RP2: variants seen among roughly 807,000 people sequenced by gnomAD.
RP2 encodes protein XRP2.
In RP2, 3 loss-of-function variants were observed where a neutral mutation model predicts 20.3. The observed-to-expected ratio is 0.15, with a 90% CI of 0.07 to 0.38. RP2 has a LOEUF of 0.38. RP2 is among the 10% of genes least tolerant of loss of function. The probability of loss-of-function intolerance (pLI) is 1.00; values close to 1 mark genes in which losing one functional copy is unlikely to be tolerated. For missense variants in RP2, 233 were observed against 268.5 expected, an observed-to-expected ratio of 0.87 and a Z score of 0.92; for synonymous variants, 75 against 94.8, an observed-to-expected ratio of 0.79 and a Z score of 1.22.
At chrX:46,837,309 C>A in intron 1 of RP2, 107 bp downstream of exon 1, 1 of 821,314 alleles carries the variant, frequency 1.2e-6, no homozygotes, top group Non-Finnish European at 1.8e-6. Context: ...GCCGCACTCT[C>A]TTGAACGCGG....
chrX:46,845,648 G>A (rs781805365), intron 1 of RP2, among the ~76,000 whole-genome samples: 1 of 111,720 alleles, frequency 9.0e-6, no homozygotes, highest in East Asian at 2.8e-4. Flanking sequence ...TATCCCTATA[G>A]TTTTGTCTTT....
At chrX:46,847,879 C>T (rs953337459) in intron 1 of RP2, among the ~76,000 whole-genome samples, 7 of 95,839 alleles carry the variant, frequency 7.3e-5, no homozygotes, top group Non-Finnish European at 1.0e-4. Flanking sequence ...TATATATACA[C>T]GCATATATAT....
chrX:46,849,842 A>G (rs1924829268), intron 1 of RP2, among the ~76,000 whole-genome samples: 1 of 111,509 alleles, frequency 9.0e-6, no homozygotes, highest in Admixed American at 9.6e-5. Context: ...CCCCCTACAC[A>G]TGGCTGTATT....
At position 46,854,834 on chromosome X, in the gene RP2, G is replaced by A. The variant is rs375218216; in HGVS notation, c.768+693G>A. Among the ~76,000 whole-genome samples the A allele has an allele frequency of 4.6e-3, 505 of 109,735 alleles. 2 individuals carry two copies. Among genetic ancestry groups the A allele is most frequent in the African/African-American group, 0.016 (484 of 30,142 alleles). On this transcript the variant is annotated intron_variant, in intron 2 of 4. Transcript: ENST00000218340. ...AGCCGGAGTGCAGTGGTGCGATCTC[G>A]GCTCACCGCAACTTCTGCCTCCTGG...
rs1556328575 is a variant in RP2 at position 46,880,651 on chromosome X, A to G, written c.*882A>G. On this transcript the variant is annotated 3_prime_UTR_variant, in exon 5 of 5. Coordinates refer to ENST00000218340, the MANE Select transcript of RP2 (RefSeq NM_006915.3). ...AAATAGGCATGATGATAAGCTATGC[A>G]GATTATTAAAAAGCTTGATACATTT... 2 of 112,288 alleles carry G rather than the reference A, an allele frequency of 1.8e-5. No homozygotes were observed. Among genetic ancestry groups the G allele is most frequent in the African/African-American group, 3.2e-5 (1 of 30,939 alleles). The allele number at this position is 112,288 out of a possible 1,213,427, so 9.3% of individuals were successfully genotyped here. A position where few individuals can be genotyped will look rare whatever the true frequency, so the allele number is the denominator to read the frequency against.
chrX:46,855,596 T>C (rs1393827666), intron 2 of RP2, among the ~76,000 whole-genome samples: 2 of 109,897 alleles, frequency 1.8e-5, no homozygotes. Context: ...GCCTCCCGAG[T>C]AGCTGGGATT....
chrX:46,847,745 T>G (rs1418308436), intron 1 of RP2, among the ~76,000 whole-genome samples: 1 of 80,043 alleles, frequency 1.2e-5, no homozygotes, highest in African/African-American at 5.8e-5. Flanking sequence ...TACACACATA[T>G]GTGTGTGTGT....
chrX:46,865,276 G>A (rs1243214611), intron 3 of RP2, among the ~76,000 whole-genome samples: 1 of 111,955 alleles, frequency 8.9e-6, no homozygotes, highest in Non-Finnish European at 1.9e-5. Flanking sequence ...TGACAGATGT[G>A]ACATTTCTTC....
At position 46,847,741 on chromosome X, in the gene RP2, CATAT is replaced by C. The variant is rs782343750; in HGVS notation, c.103-5734_103-5731del. Among the ~76,000 whole-genome samples, 60 of 85,951 alleles carry C rather than the reference CATAT, an allele frequency of 7.0e-4. 1 individual carries two copies. The highest frequency in any genetic ancestry group is 2.7e-3 in the African/African-American group (57 of 21,394). The allele number at this position is 85,951 out of a possible 115,157, so 74.6% of individuals were successfully genotyped here. A position where few individuals can be genotyped will look rare whatever the true frequency, so the allele number is the denominator to read the frequency against. On this transcript the variant is annotated intron_variant, in intron 1 of 4. Coordinates refer to ENST00000218340, the MANE Select transcript of RP2 (RefSeq NM_006915.3). ...ATATATGTGTGTGTGTATATACACACATATGTGTGTGTGTATATACACACATGTG... is the reference window on the plus strand; with the variant it reads ...ATATATGTGTGTGTGTATATACACACGTGTGTGTGTATATACACACATGTG...
intron 1 of RP2, among the ~76,000 whole-genome samples, chrX:46,841,236 G>A (rs1924616723): frequency 3.6e-5 from 4 of 111,737 alleles, no homozygotes; most frequent in Non-Finnish European, 3.8e-5. Flanking sequence ...CAGACAGTTA[G>A]GGTGGTAATC....
intron 3 of RP2, among the ~76,000 whole-genome samples, chrX:46,868,389 T>C (rs1034108544): frequency 9.1e-6 from 1 of 109,353 alleles, no homozygotes; most frequent in African/African-American, 3.3e-5. Flanking sequence ...GAGCCGAGCA[T>C]GGTGTCATGC....
At chrX:46,873,596 G>T (rs1214750086) in intron 3 of RP2, among the ~76,000 whole-genome samples, 2 of 111,418 alleles carry the variant, frequency 1.8e-5, no homozygotes, top group African/African-American at 6.5e-5. Context: ...CATATGAAAA[G>T]AATGCATAAA....
At position 46,854,113 on chromosome X, in the gene RP2, T is replaced by C. The variant is rs782353353; in HGVS notation, c.740T>C (p.Ile247Thr). Residue 247 changes from isoleucine to threonine, a missense_variant, in exon 2 of 5, where the codon ATT (isoleucine) becomes ACT (threonine). Around this residue, in one of 3 missense-constraint regions of RP2, gnomAD observed 118 missense variants for 123.8 expected, o/e 0.95. Transcript: ENST00000218340. ...LVVLFAGDYT[I>T]ANARKLIDEM... ...GTATTATTTGCTGGTGATTACACTA[T>C]TGCAAATGCCAGAAAACTAATTGAT... The C allele has an allele frequency of 3.3e-6, 4 of 1,209,439 alleles. No homozygotes were observed. Among genetic ancestry groups the C allele is most frequent in the African/African-American group, 3.5e-5 (2 of 57,259 alleles).
intron 1 of RP2, 136 bp downstream of exon 1, chrX:46,837,338 C>G: frequency 1.4e-6 from 1 of 690,990 alleles, no homozygotes; most frequent in East Asian, 3.6e-5. Flanking sequence ...AGTCGGGGTG[C>G]ACGACTTTTT....
rs1344059703 is a variant in RP2 at position 46,878,867 on chromosome X, G to A, written c.970-819G>A. ...CTGCTCTAATTCCTTGCTGACATTT[G>A]TAAAAGCTACTTTAGAAGGGTTCTA... On this transcript the variant is annotated intron_variant, in intron 4 of 4. Coordinates refer to ENST00000218340, the MANE Select transcript of RP2 (RefSeq NM_006915.3). 2.7e-5 allele frequency among the ~76,000 whole-genome samples: 3 copies of A among 110,033 alleles called. No homozygotes were observed. The Admixed American group carries it at 2.9e-4, about 11-fold the overall frequency.
chrX:46,877,269 G>C (rs1925385961), intron 3 of RP2, among the ~76,000 whole-genome samples: 1 of 112,228 alleles, frequency 8.9e-6, no homozygotes, highest in Non-Finnish European at 1.9e-5. Context: ...CTTTAAAAAT[G>C]TGACACTAGT....
At chrX:46,868,826 T>A (rs1925228706) in intron 3 of RP2, among the ~76,000 whole-genome samples, 1 of 107,558 alleles carries the variant, frequency 9.3e-6, no homozygotes, top group African/African-American at 3.4e-5. Context: ...CCAGGCGCAG[T>A]GGCTCATGCC....
chrX:46,847,800 A>G lies in RP2; in HGVS notation c.103-5676A>G, dbSNP rs373690185. Reference sequence around the variant, plus strand: ...TGTACATACACACATGTGTGTGTGTATATATATACACACATATATGTGTAT... The same window carrying G: ...TGTACATACACACATGTGTGTGTGTGTATATATACACACATATATGTGTAT... On this transcript the variant is annotated intron_variant, in intron 1 of 4. Transcript: ENST00000218340. Among the ~76,000 whole-genome samples, 234 of 76,879 alleles carry G rather than the reference A, an allele frequency of 3.0e-3. 1 individual carries two copies. Among genetic ancestry groups the G allele is most frequent in the South Asian group, 0.016 (28 of 1,744 alleles). 66.8% of individuals were successfully genotyped at this position (76,879 alleles called of 115,157 possible).
At position 46,853,755 on chromosome X, in the gene RP2, T is replaced by G; in HGVS notation, c.382T>G (p.Phe128Val). 1 of 1,212,203 alleles carries G rather than the reference T, an allele frequency of 8.2e-7. No individual in the cohort carries two copies. Among genetic ancestry groups the G allele is most frequent in the Non-Finnish European group, 1.1e-6 (1 of 895,637 alleles). ...RVRDCRKLEVFLCCATQPIIE... is the reference protein window; with the variant it reads ...RVRDCRKLEVVLCCATQPIIE... ...GCGAGATTGTAGAAAGCTGGAAGTC[T>G]TTTTGTGTTGTGCCACTCAACCCAT... is the stretch of plus-strand genomic sequence containing the variant. The change falls in exon 2 of 5, where the codon TTT becomes GTT. Residue 128 changes from phenylalanine to valine, a missense_variant. Physicochemically the swap from Phe to Val is conservative, Grantham distance 50 (BLOSUM62 -1). Around this residue, in one of 3 missense-constraint regions of RP2, gnomAD observed 38 missense variants for 72.9 expected, o/e 0.52. Transcript: ENST00000218340.
Sources: allele counts gnomAD v4.1 joint callset (sites outside exome capture counted in the v4.1 genomes callset), GRCh38; gene constraint gnomAD v4.1.1; regional missense constraint gnomAD v4.1.1; transcripts MANE v1.5; gene names NCBI Gene and HGNC (gene_info 2026-07-23, HGNC 2026-07-21).